FOXO1: variants seen among roughly 807,000 people sequenced by gnomAD.
FOXO1 encodes the protein forkhead box O1, also known as forkhead box protein O1.
Under a neutral mutation model 44.1 loss-of-function variants are expected in FOXO1, and 6 were observed. The ratio of observed to expected loss-of-function variants is 0.14; its 90% CI spans 0.07 to 0.27. FOXO1 has a LOEUF of 0.27. Ranked by LOEUF, FOXO1 falls within the 10% of genes least tolerant of loss-of-function variation. The probability of loss-of-function intolerance (pLI) is 1.00; values close to 1 mark genes in which losing one functional copy is unlikely to be tolerated. For synonymous variants in FOXO1, 380 were observed against 362.7 expected (o/e 1.05, Z -0.54); for missense variants, 737 against 888.8 (o/e 0.83, Z 2.17).
chr13:40,595,117 C>A (rs117063120), intron 1 of FOXO1, among the ~76,000 whole-genome samples: 1 of 152,168 alleles, frequency 6.6e-6, no homozygotes, highest in East Asian at 1.9e-4. Flanking sequence ...TGAAATACAA[C>A]GTAAACAGAA....
intron 1 of FOXO1, among the ~76,000 whole-genome samples, chr13:40,650,624 C>T (rs140388674): frequency 1.8e-4 from 28 of 152,256 alleles, no homozygotes; most frequent in African/African-American, 6.7e-4. Context: ...AGGGACAGGC[C>T]GATTCCAAGA....
intron 1 of FOXO1, among the ~76,000 whole-genome samples, chr13:40,627,836 A>G (rs1876835252): frequency 6.6e-6 from 1 of 151,960 alleles, no homozygotes; most frequent in African/African-American, 2.4e-5. Flanking sequence ...CCGGCTAAAA[A>G]AAAAAAAAAA....
At chr13:40,617,285 A>G (rs1346030796) in intron 1 of FOXO1, among the ~76,000 whole-genome samples, 1 of 152,210 alleles carries the variant, frequency 6.6e-6, no homozygotes, top group African/African-American at 2.4e-5. Flanking sequence ...GCCTCTACTA[A>G]AAATACAAAA....
At chr13:40,659,404 T>C (rs573898345) in intron 1 of FOXO1, among the ~76,000 whole-genome samples, 11 of 148,260 alleles carry the variant, frequency 7.4e-5, no homozygotes, top group South Asian at 6.3e-4. Flanking sequence ...TCAGGGATCA[T>C]CAGAACAAAA....
chr13:40,616,993 C>G (rs1876445649), intron 1 of FOXO1, among the ~76,000 whole-genome samples: 1 of 152,182 alleles, frequency 6.6e-6, no homozygotes, highest in African/African-American at 2.4e-5. Flanking sequence ...CATACAAAAC[C>G]TGCCCACACC....
At chr13:40,589,620 A>T (rs1875295849) in intron 1 of FOXO1, among the ~76,000 whole-genome samples, 1 of 152,264 alleles carries the variant, frequency 6.6e-6, no homozygotes, top group Non-Finnish European at 1.5e-5. Flanking sequence ...ACATAAGTCA[A>T]ATAATGAATG....
At chr13:40,599,521 G>A (rs1414579588) in intron 1 of FOXO1, among the ~76,000 whole-genome samples, 2 of 152,190 alleles carry the variant, frequency 1.3e-5, no homozygotes, top group Non-Finnish European at 2.9e-5. Flanking sequence ...CCACTCACAG[G>A]TACTGTCACT....
At chr13:40,591,196 A>G (rs1875356772) in intron 1 of FOXO1, among the ~76,000 whole-genome samples, 2 of 152,172 alleles carry the variant, frequency 1.3e-5, no homozygotes, top group African/African-American at 4.8e-5. Context: ...CAAAGCAAGA[A>G]GGGGAGCAAT....
In FOXO1 at chr13:40,560,150, C is replaced by T. The variant is rs1255959996; in HGVS notation, c.1341G>A (p.Ser447=). The part of the protein sequence containing the change: ...MPIQTLQDNK[S]SYGGMSQYNC... ...TATACTGACTCATACCTCCATAACT[C>T]GACTTATTGTCCTGAAGTGTTTGTA... Residue 447 remains serine (S), a synonymous_variant, in exon 2 of 3, where the codon TCG becomes TCA. Coordinates refer to ENST00000379561, the MANE Select transcript of FOXO1 (RefSeq NM_002015.4). This position sits in a 1 kb window ranked among gnomAD's most constrained non-coding sequence, Gnocchi z 5.1. The T allele has an allele frequency of 3.7e-6, 6 of 1,613,982 alleles. No homozygotes were observed. Among genetic ancestry groups the T allele is most frequent in the Admixed American group, 3.3e-5 (2 of 59,994 alleles).
At chr13:40,628,489 T>C (rs1487887446) in intron 1 of FOXO1, among the ~76,000 whole-genome samples, 1 of 151,802 alleles carries the variant, frequency 6.6e-6, no homozygotes, top group Non-Finnish European at 1.5e-5. Context: ...TTTTCACCCT[T>C]CCCCTCCCCA....
chr13:40,638,723 G>C (rs1877245441), intron 1 of FOXO1, among the ~76,000 whole-genome samples: 1 of 152,176 alleles, frequency 6.6e-6, no homozygotes, highest in Non-Finnish European at 1.5e-5. Context: ...AGGTGGCAAT[G>C]GTCCTAGGAA....
At chr13:40,570,180 C>T (rs769863644) in intron 1 of FOXO1, among the ~76,000 whole-genome samples, 2 of 151,810 alleles carry the variant, frequency 1.3e-5, no homozygotes, top group Non-Finnish European at 2.9e-5. Flanking sequence ...TGTGGTGGCA[C>T]GTGCCTGTAA....
chr13:40,601,419 C>T (rs1343705060), intron 1 of FOXO1, among the ~76,000 whole-genome samples: 10 of 152,192 alleles, frequency 6.6e-5, no homozygotes, highest in East Asian at 1.9e-4. Flanking sequence ...AAAAAGATAA[C>T]GCATAGAAAA....
rs548019311 is a variant in FOXO1 at position 40,567,328 on chromosome 13, G to A, written c.631-6468C>T. On this transcript the variant is annotated intron_variant, in intron 1 of 2. Coordinates refer to ENST00000379561, the MANE Select transcript of FOXO1 (RefSeq NM_002015.4). ...TTTATATTTTTGTATTTATTTCATA[G>A]TTTATTATATAAACTATGTATTTTA... Among the ~76,000 whole-genome samples the A allele has an allele frequency of 3.9e-5, 6 of 152,002 alleles. No homozygotes were observed. In the East Asian group the frequency reaches 7.7e-4, roughly 20 times the overall value.
Position 40,665,793 on chromosome 13 carries a change from G to A in FOXO1, c.420C>T (p.Ala140=), listed in dbSNP as rs1878216988. Reference sequence around the variant, plus strand: ...GCTGCCCCGCGAGCGGCCCAGCGGCGGCGGGGGGCACCGGCGGGTGCTGCG... The same window carrying A: ...GCTGCCCCGCGAGCGGCCCAGCGGCAGCGGGGGGCACCGGCGGGTGCTGCG... ...PLSQHPPVPP[A]AAGPLAGQPR... Residue 140 remains alanine, a synonymous_variant, in exon 1 of 3, where the codon GCC becomes GCT. Coordinates refer to ENST00000379561, the MANE Select transcript of FOXO1 (RefSeq NM_002015.4). 8.0e-7 allele frequency: 1 copy of A among 1,252,038 alleles called. No homozygotes were observed. Among genetic ancestry groups the A allele is most frequent in the Non-Finnish European group, 1.0e-6 (1 of 991,564 alleles). The allele number at this position is 1,252,038 out of a possible 1,614,324, so 77.6% of individuals were successfully genotyped here.
intron 1 of FOXO1, chr13:40,619,739 T>C (rs1441975166): frequency 3.2e-6 from 3 of 925,594 alleles, no homozygotes; most frequent in African/African-American, 3.3e-5. Flanking sequence ...TTCTCAACAG[T>C]AGGAAGATTA....
chr13:40,565,812 T>C (rs950790253), intron 1 of FOXO1, among the ~76,000 whole-genome samples: 2 of 152,244 alleles, frequency 1.3e-5, no homozygotes, highest in African/African-American at 2.4e-5. Context: ...AAATAACATA[T>C]GTCTGTGTTT....
At chr13:40,562,919 C>T (rs1307878253) in intron 1 of FOXO1, among the ~76,000 whole-genome samples, 1 of 152,220 alleles carries the variant, frequency 6.6e-6, no homozygotes, top group Non-Finnish European at 1.5e-5. Flanking sequence ...TGGCCCCCAG[C>T]ACAGTACAGG....
At chr13:40,567,861 G>A (rs2701861) in intron 1 of FOXO1, among the ~76,000 whole-genome samples, 54,143 of 151,700 alleles carry the variant, frequency 0.36, 10,892 homozygotes, top group East Asian at 0.73. Context: ...CCAGGTACTC[G>A]GGAGACTGAG....
Sources: gnomAD v4.1 joint callset for allele counts (sites outside exome capture counted in the v4.1 genomes callset) on GRCh38, gnomAD v4.1.1 for gene constraint, Gnocchi (gnomAD v3.1) non-coding constraint, MANE v1.5 for transcripts, NCBI Gene and HGNC (gene_info 2026-07-23, HGNC 2026-07-21) for gene names.